Variants in PDE10A observed in about 807,000 individuals in gnomAD.
PDE10A encodes phosphodiesterase 10A.
In PDE10A, 39 loss-of-function variants were observed where a neutral mutation model predicts 97.7. That is an observed-to-expected ratio of 0.40 (90% CI 0.31 to 0.52). PDE10A has a LOEUF of 0.52. PDE10A is among the 20% of genes least tolerant of loss of function. The pLI is 0.56. For synonymous variants in PDE10A, 371 were observed against 376.8 expected, an observed-to-expected ratio of 0.98 and a Z score of 0.18; for missense variants, 731 against 1,047.8, an observed-to-expected ratio of 0.70 and a Z score of 4.17.
rs1779128566 is a variant in PDE10A, at chr6:165,473,495, A to G, written c.1023+8820T>C. On this transcript the variant is annotated intron_variant, in intron 3 of 21. Coordinates refer to ENST00000539869, the MANE Select transcript of PDE10A (RefSeq NM_001385079.1). ...AAATACAGAAATAAGAAGAGAGTCCATGGAAAGACATTTTGATATACAGAA... is the reference window on the plus strand; with the variant it reads ...AAATACAGAAATAAGAAGAGAGTCCGTGGAAAGACATTTTGATATACAGAA... Among the ~76,000 whole-genome samples the G allele has an allele frequency of 3.3e-5, 5 of 152,326 alleles. No individual in the cohort carries two copies. In the South Asian group the frequency reaches 8.3e-4, roughly 25 times the overall value.
chr6:165,862,900 G>A (rs557659306), intron 1 of PDE10A, among the ~76,000 whole-genome samples: 103 of 152,270 alleles, frequency 6.8e-4, no homozygotes, highest in South Asian at 1.7e-3. Context: ...GGCTGGTCTC[G>A]AACTCCTGGC....
At position 165,828,455 on chromosome 6, in the gene PDE10A, A is replaced by G. The variant is rs1231615204; in HGVS notation, c.-615+159074T>C. Among the ~76,000 whole-genome samples, 2 of 152,256 alleles carry G rather than the reference A, an allele frequency of 1.3e-5. 1 individual carries two copies. Among genetic ancestry groups the G allele is most frequent in the African/African-American group, 4.8e-5 (2 of 41,470 alleles). Reference sequence around the variant, plus strand: ...AAGTGAAATGCAGGTAATGACATAGACATACACATACATAATACAGGTGTA... The same window carrying G: ...AAGTGAAATGCAGGTAATGACATAGGCATACACATACATAATACAGGTGTA... On this transcript the variant is annotated intron_variant, in intron 1 of 19. Transcript: ENST00000366882.
Position 165,530,314 on chromosome 6 carries a change from T to C in PDE10A, c.994+13126A>G, listed in dbSNP as rs1300501015. Reference sequence around the variant, plus strand: ...GTGTGTGTGTACACACACACCCTATTAGTTCTGTCCCTCTAGAGACCCCTG... The same window carrying C: ...GTGTGTGTGTACACACACACCCTATCAGTTCTGTCCCTCTAGAGACCCCTG... On this transcript the variant is annotated intron_variant, in intron 2 of 21. Coordinates refer to ENST00000539869, the MANE Select transcript of PDE10A (RefSeq NM_001385079.1). Among the ~76,000 whole-genome samples, 5 of 151,764 alleles carry C rather than the reference T, an allele frequency of 3.3e-5. No individual in the cohort carries two copies. The East Asian group carries it at 7.8e-4, about 24-fold the overall frequency.
Position 165,953,448 on chromosome 6 carries a change from G to A in PDE10A, c.-615+34081C>T, listed in dbSNP as rs557143452. ...TCTATTAAAAATACAAAAATTAGCC[G>A]GGTGTGGTGGCGCACACCTATAATC... On this transcript the variant is annotated intron_variant, in intron 1 of 19. Coordinates refer to the PDE10A transcript ENST00000366882. Among the ~76,000 whole-genome samples the A allele has an allele frequency of 6.6e-5, 10 of 152,112 alleles. No homozygotes were observed. The East Asian group carries it at 7.7e-4, about 12-fold the overall frequency.
chr6:165,801,737 GGTTCTAAGATT>G, intron 1 of PDE10A, among the ~76,000 whole-genome samples: 1 of 152,282 alleles, frequency 6.6e-6, no homozygotes. Context: ...ATGGACAATT[GGTTCTAAGATT>G]GAGGCTTTGA....
At chr6:165,904,429 AAAG>A (rs1263913627) in intron 1 of PDE10A, among the ~76,000 whole-genome samples, 18 of 152,202 alleles carry the variant, frequency 1.2e-4, no homozygotes, top group African/African-American at 4.3e-4. Context: ...CCAAGAGTAA[AAAG>A]AAACTTAAGA....
chr6:165,946,632 A>G (rs1164814373), intron 1 of PDE10A: 1 of 152,192 alleles, frequency 6.6e-6, no homozygotes, highest in Admixed American at 6.5e-5. Flanking sequence ...AGTTAGCTTG[A>G]TTTAGCCATT....
At chr6:165,899,515 G>C (rs1562789022) in intron 1 of PDE10A, among the ~76,000 whole-genome samples, 1 of 152,194 alleles carries the variant, frequency 6.6e-6, no homozygotes, top group Non-Finnish European at 1.5e-5. Context: ...TGGCTTCCAG[G>C]CTAGTGGCAG....
In PDE10A at chr6:165,562,785, A is replaced by T. The variant is rs191451826; in HGVS notation, c.866-19217T>A. ...CTGGCCTGGCACGTAGTAAAATTTA[A>T]ATCATAAGTTCTCAGCTGGGAGAAT... On this transcript the variant is annotated intron_variant, in intron 1 of 21. Transcript: ENST00000539869. Among the ~76,000 whole-genome samples the T allele has an allele frequency of 4.4e-3, 663 of 152,294 alleles. 2 individuals carry two copies. The highest frequency in any genetic ancestry group is 0.017 in the Middle Eastern group (5 of 294).
chr6:165,558,629 T>G (rs1784375732), intron 1 of PDE10A, among the ~76,000 whole-genome samples: 1 of 152,222 alleles, frequency 6.6e-6, no homozygotes, highest in African/African-American at 2.4e-5. Context: ...AGAATTTCTT[T>G]TAGACTTCCT....
In PDE10A at chr6:165,388,280, C is replaced by T. The variant is rs373627821; in HGVS notation, c.2610+18G>A. The stretch of plus-strand genomic sequence containing the variant: ...ACAGCCCTTCAGACTAAGCGAGAGA[C>T]GGCGTGCAGTGACTCACCTGGAGGA... On this transcript the variant is annotated intron_variant, in intron 17 of 21. Coordinates refer to ENST00000539869, the MANE Select transcript of PDE10A (RefSeq NM_001385079.1). The surrounding 1 kb of genome is among the most constrained non-coding windows in gnomAD (Gnocchi z 4.0). The T allele has an allele frequency of 2.5e-5, 41 of 1,612,458 alleles. No individual in the cohort carries two copies. Among genetic ancestry groups the T allele is most frequent in the African/African-American group, 2.4e-4 (18 of 74,842 alleles).
intron 18 of PDE10A, among the ~76,000 whole-genome samples, chr6:165,361,083 T>C (rs1292417117): frequency 6.6e-6 from 1 of 152,228 alleles, no homozygotes; most frequent in Non-Finnish European, 1.5e-5. Flanking sequence ...ATTGTATAAC[T>C]ATCTCTATTT....
intron 1 of PDE10A, among the ~76,000 whole-genome samples, chr6:165,862,357 A>C (rs1321947575): frequency 1.3e-5 from 2 of 152,210 alleles, no homozygotes; most frequent in Non-Finnish European, 2.9e-5. Flanking sequence ...AAGACTATAA[A>C]TAGGATGCTT....
intron 1 of PDE10A, among the ~76,000 whole-genome samples, chr6:165,622,405 C>T (rs975891101): frequency 6.6e-6 from 1 of 152,138 alleles, no homozygotes; most frequent in African/African-American, 2.4e-5. Flanking sequence ...CCATATGGTC[C>T]AGCCTACTAC....
chr6:165,336,070 G>T, intron 21 of PDE10A, 53 bp downstream of exon 21: 2 of 1,302,808 alleles, frequency 1.5e-6, no homozygotes, highest in South Asian at 1.2e-5. Flanking sequence ...ATCCTATACA[G>T]ATCTCAGTGT....
chr6:165,349,080 A>G (rs1782512939), intron 18 of PDE10A, among the ~76,000 whole-genome samples: 1 of 152,232 alleles, frequency 6.6e-6, no homozygotes, highest in Admixed American at 6.5e-5. Flanking sequence ...GTGCTGCTAT[A>G]AAGATACATG....
chr6:165,695,422 A>G (rs564834523), intron 1 of PDE10A, among the ~76,000 whole-genome samples: 1 of 152,252 alleles, frequency 6.6e-6, no homozygotes, highest in Non-Finnish European at 1.5e-5. Flanking sequence ...TCCATGCCAA[A>G]GACTGCAGCC....
chr6:165,566,119 G>T (rs951972040), intron 1 of PDE10A, among the ~76,000 whole-genome samples: 4 of 152,044 alleles, frequency 2.6e-5, no homozygotes, highest in Non-Finnish European at 5.9e-5. Flanking sequence ...CTCTGCAAAA[G>T]AAACTGCCAA....
chr6:165,452,028 T>C (rs1791333017), intron 3 of PDE10A, among the ~76,000 whole-genome samples: 1 of 152,220 alleles, frequency 6.6e-6, no homozygotes, highest in African/African-American at 2.4e-5. Flanking sequence ...TGGCTGATGA[T>C]GGGAGACTAG....
Sources: gnomAD v4.1 joint callset for allele counts (sites outside exome capture counted in the v4.1 genomes callset) on GRCh38, gnomAD v4.1.1 for gene constraint, Gnocchi (gnomAD v3.1) non-coding constraint, MANE v1.5 for transcripts, NCBI Gene and HGNC (gene_info 2026-07-23, HGNC 2026-07-21) for gene names.